The following LSM11 variants were observed in gnomAD, a reference collection of about 807,000 sequenced individuals.
LSM11 encodes the protein LSM11, U7 small nuclear RNA associated, also known as U7 snRNA-associated Sm-like protein LSm11.
LSM11 carries 14 observed loss-of-function variants against 28.1 expected under a neutral mutation model. The observed-to-expected ratio is 0.50, with a 90% CI of 0.33 to 0.78. LSM11 has a LOEUF of 0.78. LSM11 is among the 30% of genes least tolerant of loss of function. LSM11 has a pLI of 0.02. For missense variants in LSM11, 495 were observed against 510.6 expected (o/e 0.97, Z 0.30); for synonymous variants, 207 against 214.2 (o/e 0.97, Z 0.30).
chr5:157,749,964 T>G (rs1581450837), intron 1 of LSM11, among the ~76,000 whole-genome samples: 1 of 152,204 alleles, frequency 6.6e-6, no homozygotes, highest in East Asian at 1.9e-4. Context: ...CAGGAGAGAT[T>G]TTTCATTTGT....
At chr5:157,745,445 A>C (rs1377864952) in intron 1 of LSM11, among the ~76,000 whole-genome samples, 1 of 152,212 alleles carries the variant, frequency 6.6e-6, no homozygotes, top group Non-Finnish European at 1.5e-5. Flanking sequence ...TGGCTGTAAC[A>C]CAAAGACAGT....
intron 2 of LSM11, among the ~76,000 whole-genome samples, 189 bp from the exon 3 acceptor site, chr5:157,753,812 TAGC>T (rs1184054933): frequency 2.0e-5 from 3 of 152,206 alleles, no homozygotes; most frequent in Admixed American, 1.3e-4. Flanking sequence ...TATATGGTGA[TAGC>T]AGCTTAAAAA....
At chr5:157,752,843 C>CAAAAAAA (rs553164268) in intron 2 of LSM11, among the ~76,000 whole-genome samples, 9 of 103,310 alleles carry the variant, frequency 8.7e-5, no homozygotes, top group Non-Finnish European at 1.6e-4. Context: ...GAGACTCTGT[C>CAAAAAAA]AAAAAAAAAA....
chr5:157,749,572 ACGCGCGCGCACG>A (rs889048904), intron 1 of LSM11, among the ~76,000 whole-genome samples: 4 of 88,296 alleles, frequency 4.5e-5, no homozygotes, highest in African/African-American at 2.1e-4. Flanking sequence ...ACACATATAC[ACGCGCGCGCACG>A]CGCGCACACA....
rs139359690 is a variant in LSM11 at position 157,760,346 on chromosome 5, C to G, written c.*5082C>G. 1 of 152,272 alleles carries G rather than the reference C, an allele frequency of 6.6e-6. No homozygotes were observed. The highest frequency in any genetic ancestry group is 1.5e-5 in the Non-Finnish European group (1 of 68,022). 9.4% of individuals were successfully genotyped at this position (152,272 alleles called of 1,614,324 possible). A position where few individuals can be genotyped will look rare whatever the true frequency, so the allele number is the denominator to read the frequency against. Reference sequence around the variant, plus strand: ...TCCACTTCTTTTTCTGTTGTCCTGACAGTAAAGCAAATAGTAAGCCATGTC... The same window carrying G: ...TCCACTTCTTTTTCTGTTGTCCTGAGAGTAAAGCAAATAGTAAGCCATGTC... On this transcript the variant is annotated 3_prime_UTR_variant, in exon 4 of 4. Transcript: ENST00000286307.
Position 157,743,716 on chromosome 5 carries a change from C to G in LSM11, c.-35C>G, listed in dbSNP as rs1030942020. 8.4e-6 allele frequency: 11 copies of G among 1,301,994 alleles called. No individual in the cohort carries two copies. The South Asian group carries it at 2.0e-4, about 23-fold the overall frequency. 80.7% of individuals were successfully genotyped at this position (1,301,994 alleles called of 1,614,324 possible). A position where few individuals can be genotyped will look rare whatever the true frequency, so the allele number is the denominator to read the frequency against. ...CCGCCCTCTGGCGGCTTCGTTCCTT[C>G]TTCCCATCGGCCTCGGCTTGCGGGC... On this transcript the variant is annotated 5_prime_UTR_variant, in exon 1 of 4. Transcript: ENST00000286307.
At chr5:157,748,448 T>G (rs1761177771) in intron 1 of LSM11, among the ~76,000 whole-genome samples, 1 of 152,218 alleles carries the variant, frequency 6.6e-6, no homozygotes, top group African/African-American at 2.4e-5. Context: ...CCAATTTATC[T>G]GTTGTTTCTT....
chr5:157,748,039 T>C (rs1761172834), intron 1 of LSM11, among the ~76,000 whole-genome samples: 1 of 149,876 alleles, frequency 6.7e-6, no homozygotes, highest in African/African-American at 2.5e-5. Flanking sequence ...TTAGGCCAGT[T>C]TGACATAGCA....
intron 1 of LSM11, among the ~76,000 whole-genome samples, chr5:157,745,063 TTAGAG>T (rs1234472122): frequency 1.3e-5 from 2 of 152,234 alleles, no homozygotes; most frequent in African/African-American, 4.8e-5. Context: ...TCATAGATCC[TTAGAG>T]TAAAGCTGTA....
intron 2 of LSM11, among the ~76,000 whole-genome samples, chr5:157,753,455 C>G (rs1581452484): frequency 6.6e-6 from 1 of 152,000 alleles, no homozygotes; most frequent in African/African-American, 2.4e-5. Context: ...AACAGCTGTC[C>G]TGTCGAGGTT....
Position 157,755,766 on chromosome 5 carries a change from A to T in LSM11, c.*502A>T, listed in dbSNP as rs1332934432. 2 of 402,862 alleles carry T rather than the reference A, an allele frequency of 5.0e-6. No homozygotes were observed. The highest frequency in any genetic ancestry group is 7.1e-5 in the East Asian group (2 of 28,126). 25.0% of individuals were successfully genotyped at this position (402,862 alleles called of 1,614,324 possible). A position where few individuals can be genotyped will look rare whatever the true frequency, so the allele number is the denominator to read the frequency against. On this transcript the variant is annotated 3_prime_UTR_variant, in exon 4 of 4. Coordinates refer to ENST00000286307, the MANE Select transcript of LSM11 (RefSeq NM_173491.4). ...GCCTGACATGATTCTCTCTTGATGA[A>T]GAAATGACATATATTATCTTTGAAT...
intron 1 of LSM11, 48 bp downstream of exon 1, chr5:157,744,246 C>A: frequency 8.2e-7 from 1 of 1,222,734 alleles, no homozygotes; most frequent in Non-Finnish European, 1.0e-6. Context: ...CGTCCGGAAG[C>A]TGGCTGCCGA....
At position 157,756,381 on chromosome 5, in the gene LSM11, T is replaced by C. The variant is rs925388795; in HGVS notation, c.*1117T>C. The stretch of plus-strand genomic sequence containing the variant: ...CACAAATACTTCTACTTGAATCATA[T>C]TCTGTGCTTTTTCAATCACTAGTGC... On this transcript the variant is annotated 3_prime_UTR_variant, in exon 4 of 4. Coordinates refer to ENST00000286307, the MANE Select transcript of LSM11 (RefSeq NM_173491.4). 8 of 152,634 alleles carry C rather than the reference T, an allele frequency of 5.2e-5. No homozygotes were observed. The highest frequency in any genetic ancestry group is 4.4e-5 in the Non-Finnish European group (3 of 68,044). 9.5% of individuals were successfully genotyped at this position (152,634 alleles called of 1,614,324 possible). A position where few individuals can be genotyped will look rare whatever the true frequency, so the allele number is the denominator to read the frequency against.
intron 2 of LSM11, among the ~76,000 whole-genome samples, chr5:157,753,716 CT>C (rs1486954744): frequency 7.9e-5 from 12 of 152,262 alleles, no homozygotes; most frequent in Admixed American, 2.6e-4. Flanking sequence ...TTTAATAAAC[CT>C]CCTAGATATT....
At chr5:157,746,193 A>C (rs921943951) in intron 1 of LSM11, among the ~76,000 whole-genome samples, 1 of 152,224 alleles carries the variant, frequency 6.6e-6, no homozygotes, top group African/African-American at 2.4e-5. Context: ...GGAAAATCAA[A>C]ATATAGATAC....
chr5:157,751,780 G>C (rs1219506102), intron 2 of LSM11, among the ~76,000 whole-genome samples: 1 of 152,050 alleles, frequency 6.6e-6, no homozygotes, highest in Admixed American at 6.6e-5. Context: ...CAATGTCTGG[G>C]GACATTTTAT....
chr5:157,755,343 A>G lies in LSM11; in HGVS notation c.*79A>G. ...TGCTGTATCCTAGTATCCCAGTGAA[A>G]CTCTGAGTTGGAATGATTCCCTCTG... On this transcript the variant is annotated 3_prime_UTR_variant, in exon 4 of 4. Transcript: ENST00000286307. 6.9e-7 allele frequency: 1 copy of G among 1,445,968 alleles called. No individual in the cohort carries two copies. Among genetic ancestry groups the G allele is most frequent in the Non-Finnish European group, 9.4e-7 (1 of 1,064,604 alleles). The allele number at this position is 1,445,968 out of a possible 1,614,324, so 89.6% of individuals were successfully genotyped here. A position where few individuals can be genotyped will look rare whatever the true frequency, so the allele number is the denominator to read the frequency against.
In LSM11 at chr5:157,744,038, T is replaced by C; in HGVS notation, c.288T>C (p.Thr96=). 7.0e-7 allele frequency: 1 copy of C among 1,419,220 alleles called. No homozygotes were observed. The highest frequency in any genetic ancestry group is 9.2e-7 in the Non-Finnish European group (1 of 1,084,856). 87.9% of individuals were successfully genotyped at this position (1,419,220 alleles called of 1,614,324 possible). Residue 96 remains threonine (T), a synonymous_variant, in exon 1 of 4, where the codon ACT becomes ACC. Transcript: ENST00000286307. The stretch of plus-strand genomic sequence containing the variant: ...CCGCACCCGGGCCCTCGGGCAGGAC[T>C]CGTCGCCGCCCGGACGCGCCCGCCC... ...VPAAPGPSGR[T]RRRPDAPAPD...
At chr5:157,744,572 G>C (rs901473232) in intron 1 of LSM11, among the ~76,000 whole-genome samples, 5 of 152,146 alleles carry the variant, frequency 3.3e-5, no homozygotes, top group African/African-American at 1.2e-4. Context: ...CTGGAGAGGT[G>C]GCGGGGCTAC....
Sources: gnomAD v4.1 joint callset for allele counts (sites outside exome capture counted in the v4.1 genomes callset) on GRCh38, gnomAD v4.1.1 for gene constraint, MANE v1.5 for transcripts, NCBI Gene and HGNC (gene_info 2026-07-23, HGNC 2026-07-21) for gene names.